EMILIN2: variants seen among roughly 807,000 people sequenced by gnomAD.
EMILIN2 encodes elastin microfibril interfacer 2, also known as EMILIN-2.
EMILIN2 carries 71 observed loss-of-function variants against 87.1 expected under a neutral mutation model. That is an observed-to-expected ratio of 0.82 (90% CI 0.67 to 0.99). The LOEUF is 0.99. Among genes scored for constraint, EMILIN2 ranks in the 50% least tolerant of loss-of-function variants. The probability of loss-of-function intolerance (pLI) is 0.00; values close to 1 mark genes in which losing one functional copy is unlikely to be tolerated. For synonymous variants in EMILIN2, 581 were observed against 563.4 expected (o/e 1.03, Z -0.44); for missense variants, 1,407 against 1,371.8 (o/e 1.03, Z -0.40).
intron 2 of EMILIN2, among the ~76,000 whole-genome samples, chr18:2,868,998 T>C (rs2076705790): frequency 1.3e-5 from 2 of 152,156 alleles, no homozygotes; most frequent in Non-Finnish European, 2.9e-5. Context: ...TCCTTAATCA[T>C]TGATCCAATA....
intron 2 of EMILIN2, among the ~76,000 whole-genome samples, chr18:2,860,094 G>C (rs1161032302): frequency 6.6e-6 from 1 of 152,064 alleles, no homozygotes; most frequent in East Asian, 1.9e-4. Flanking sequence ...TTTTTTTCTA[G>C]TTCTGTGAAG....
intron 3 of EMILIN2, among the ~76,000 whole-genome samples, chr18:2,887,505 G>A (rs374302153): frequency 1.1e-4 from 1 of 9,344 alleles, no homozygotes; most frequent in Non-Finnish European, 3.8e-4. Context: ...GTTAGTACAC[G>A]AGAGCTGGTT....
In EMILIN2 at chr18:2,894,071, A is replaced by C. The variant is rs1224867278; in HGVS notation, c.2359+1585A>C. Among the ~76,000 whole-genome samples the C allele has an allele frequency of 1.3e-5, 2 of 152,088 alleles. No homozygotes were observed. Among genetic ancestry groups the C allele is most frequent in the Non-Finnish European group, 2.9e-5 (2 of 68,020 alleles). ...CTGACCTGGTTCCGCTCTGGGTGAC[A>C]CAGGCCCTTGCACAAGGAACTGAGA... On this transcript the variant is annotated intron_variant, in intron 4 of 7. Coordinates refer to ENST00000254528, the MANE Select transcript of EMILIN2 (RefSeq NM_032048.3). The surrounding 1 kb of genome is among the most constrained non-coding windows in gnomAD (Gnocchi z 5.0).
At chr18:2,909,601 G>GGCCT in intron 6 of EMILIN2, 90 bp from the exon 7 acceptor site, 12 of 1,517,742 alleles carry the variant, frequency 7.9e-6, no homozygotes, top group Non-Finnish European at 9.8e-6. Context: ...CTGGCACCTG[G>GGCCT]GCCTGGCACG....
chr18:2,870,331 C>T (rs2143991775), intron 2 of EMILIN2, among the ~76,000 whole-genome samples: 1 of 152,290 alleles, frequency 6.6e-6, no homozygotes, highest in East Asian at 1.9e-4. Context: ...TCATAATTAG[C>T]ATAAGCCATT....
In EMILIN2 at chr18:2,914,409, C is replaced by T. The variant is rs1299289184; in HGVS notation, c.*1005C>T. 1 of 152,232 alleles carries T rather than the reference C, an allele frequency of 6.6e-6. No individual in the cohort carries two copies. Among genetic ancestry groups the T allele is most frequent in the Non-Finnish European group, 1.5e-5 (1 of 68,044 alleles). 9.4% of individuals were successfully genotyped at this position (152,232 alleles called of 1,614,324 possible). On this transcript the variant is annotated 3_prime_UTR_variant, in exon 8 of 8. Transcript: ENST00000254528. ...CTGCACCAATCTCCAGCAGACACAG[C>T]TCGCCGAGCTCTTGGGTTTCTAAGC...
chr18:2,871,707 A>G (rs866695954), intron 2 of EMILIN2, among the ~76,000 whole-genome samples: 21 of 152,194 alleles, frequency 1.4e-4, no homozygotes, highest in African/African-American at 4.3e-4. Context: ...TTTGGAGGTT[A>G]TGGCAGGATT....
chr18:2,871,538 T>A (rs73939061), intron 2 of EMILIN2, among the ~76,000 whole-genome samples: 10,425 of 152,132 alleles, frequency 0.069, 1,192 homozygotes, highest in African/African-American at 0.24. Flanking sequence ...CAGTGGAGGG[T>A]GTGAGCATTG....
At chr18:2,900,499 T>G (rs1568481795) in intron 4 of EMILIN2, among the ~76,000 whole-genome samples, 1 of 152,122 alleles carries the variant, frequency 6.6e-6, no homozygotes, top group African/African-American at 2.4e-5. Context: ...AAAAGCAGTG[T>G]TGAGATGGAC....
intron 2 of EMILIN2, among the ~76,000 whole-genome samples, chr18:2,853,008 C>T (rs1251810221): frequency 6.6e-6 from 1 of 152,080 alleles, no homozygotes; most frequent in Non-Finnish European, 1.5e-5. Flanking sequence ...CTAAGGGTGG[C>T]TCAATAGAAT....
Position 2,894,987 on chromosome 18 carries a change from G to GA in EMILIN2, c.2359+2504dup, listed in dbSNP as rs1316281263. Among the ~76,000 whole-genome samples, 1 of 152,154 alleles carries GA rather than the reference G, an allele frequency of 6.6e-6. No individual in the cohort carries two copies. Among genetic ancestry groups the GA allele is most frequent in the African/African-American group, 2.4e-5 (1 of 41,444 alleles). ...TCTAAAGCATTTGCAATCACAGTGG[G>GA]AAAGAGACTCACAGGTCTGCAGAGA... is the stretch of plus-strand genomic sequence containing the variant. On this transcript the variant is annotated intron_variant, in intron 4 of 7. Transcript: ENST00000254528. This position sits in a 1 kb window ranked among gnomAD's most constrained non-coding sequence, Gnocchi z 5.0.
intron 2 of EMILIN2, among the ~76,000 whole-genome samples, chr18:2,869,786 T>TTTGTG (rs1555666537): frequency 0.2 from 11,694 of 58,764 alleles, 475 homozygotes; most frequent in South Asian, 0.33. Flanking sequence ...GTGTGTGTGT[T>TTTGTG]TGTGTGTGTG....
chr18:2,854,362 G>A (rs2076616632), intron 2 of EMILIN2, among the ~76,000 whole-genome samples: 1 of 152,212 alleles, frequency 6.6e-6, no homozygotes, highest in South Asian at 2.1e-4. Flanking sequence ...TGCAGCAGGT[G>A]TTGAGTTCCG....
At chr18:2,887,123 C>T (rs936174883) in intron 3 of EMILIN2, among the ~76,000 whole-genome samples, 2 of 152,142 alleles carry the variant, frequency 1.3e-5, no homozygotes, top group African/African-American at 4.8e-5. Flanking sequence ...ATTCTAGCTT[C>T]AGAAATCTAG....
At chr18:2,912,592 C>T (rs183319396) in intron 7 of EMILIN2, among the ~76,000 whole-genome samples, 18 of 152,272 alleles carry the variant, frequency 1.2e-4, no homozygotes, top group African/African-American at 3.9e-4. Flanking sequence ...GGGCCCAGAA[C>T]GTGTGGGTCA....
intron 3 of EMILIN2, among the ~76,000 whole-genome samples, chr18:2,886,218 A>G (rs1378159671): frequency 6.6e-6 from 1 of 152,242 alleles, no homozygotes; most frequent in East Asian, 1.9e-4. Flanking sequence ...AAAGGCAGAC[A>G]GAGTCCCTGA....
At chr18:2,904,351 T>A (rs1186312701) in intron 4 of EMILIN2, among the ~76,000 whole-genome samples, 1 of 152,138 alleles carries the variant, frequency 6.6e-6, no homozygotes, top group Non-Finnish European at 1.5e-5. Flanking sequence ...AGTTGTGTGT[T>A]TATTTGATAA....
intron 4 of EMILIN2, among the ~76,000 whole-genome samples, chr18:2,896,102 T>C (rs2076862117): frequency 6.6e-6 from 1 of 152,178 alleles, no homozygotes; most frequent in Admixed American, 6.5e-5. Context: ...TCTAAGTCTC[T>C]TTTATATCCT....
intron 2 of EMILIN2, among the ~76,000 whole-genome samples, chr18:2,868,954 AG>A (rs1311602929): frequency 6.6e-5 from 6 of 90,854 alleles, no homozygotes; most frequent in East Asian, 4.3e-4. Context: ...GTTTGAAGGG[AG>A]TTTTTTTTTT....
Sources: allele counts gnomAD v4.1 joint callset (sites outside exome capture counted in the v4.1 genomes callset), GRCh38; gene constraint gnomAD v4.1.1; non-coding constraint Gnocchi (gnomAD v3.1); transcripts MANE v1.5; gene names NCBI Gene and HGNC (gene_info 2026-07-23, HGNC 2026-07-21).